The following PLAC1 variants were observed in gnomAD, a reference collection of about 807,000 sequenced individuals.
The protein encoded by PLAC1 is placenta associated 1, also known as placenta-specific protein 1.
For synonymous variants in PLAC1, 68 were observed against 62.1 expected (o/e 1.09, Z -0.44); for missense variants, 136 against 163.2 (o/e 0.83, Z 0.91).
At position 134,658,405 on chromosome X, in the gene PLAC1, A is replaced by G. The variant is rs754058212; in HGVS notation, c.-208T>C. 8.9e-6 allele frequency: 1 copy of G among 112,681 alleles called. No individual in the cohort carries two copies. The highest frequency in any genetic ancestry group is 3.2e-5 in the African/African-American group (1 of 31,066). The allele number at this position is 112,681 out of a possible 1,213,427, so 9.3% of individuals were successfully genotyped here. ...AGGATTGGAAAAATGTATCTCAGTC[A>G]CTGGAACTGAAGAGGGGTGGCCTTT... On this transcript the variant is annotated 5_prime_UTR_variant, in exon 1 of 3. An upstream open reading frame in the 5' UTR loses its in-frame stop. Coordinates refer to ENST00000359237, the MANE Select transcript of PLAC1 (RefSeq NM_021796.4).
At chrX:134,595,792 C>G (rs1310803951) in intron 2 of PLAC1, among the ~76,000 whole-genome samples, 1 of 109,265 alleles carries the variant, frequency 9.2e-6, no homozygotes, top group East Asian at 2.8e-4. Context: ...TACATACTGT[C>G]GGGTCATTTT....
intron 2 of PLAC1, among the ~76,000 whole-genome samples, chrX:134,576,339 C>T (rs1477681218): frequency 9.1e-6 from 1 of 109,357 alleles, no homozygotes; most frequent in African/African-American, 3.3e-5. Flanking sequence ...GAGTTCGAGA[C>T]CAGCCTGGCC....
intron 2 of PLAC1, among the ~76,000 whole-genome samples, chrX:134,567,807 AGAGAGAGG>A (rs1266679174): frequency 1.3e-5 from 1 of 78,798 alleles, no homozygotes; most frequent in Non-Finnish European, 2.3e-5. Context: ...AGAAAGAGAG[AGAGAGAGG>A]GAGGGAGGGA....
chrX:134,723,454 G>A (rs1270683450), intron 2 of PLAC1, among the ~76,000 whole-genome samples: 2 of 109,193 alleles, frequency 1.8e-5, no homozygotes, highest in South Asian at 4.1e-4. Flanking sequence ...CAGTAGGCAC[G>A]CACCACCACA....
chrX:134,745,614 C>T (rs767489091), intron 1 of PLAC1, among the ~76,000 whole-genome samples: 4 of 111,776 alleles, frequency 3.6e-5, no homozygotes, highest in Non-Finnish European at 5.6e-5. Context: ...TAAGGTCTAT[C>T]TCAGTGACCT....
intron 1 of PLAC1, among the ~76,000 whole-genome samples, chrX:134,759,753 A>G (rs1305730132): frequency 8.9e-6 from 1 of 112,270 alleles, no homozygotes; most frequent in African/African-American, 3.2e-5. Context: ...GAATGAAATC[A>G]TGTCATTTTC....
At chrX:134,594,678 T>C (rs1475782431) in intron 2 of PLAC1, among the ~76,000 whole-genome samples, 1 of 111,224 alleles carries the variant, frequency 9.0e-6, no homozygotes, top group African/African-American at 3.3e-5. Context: ...AACCTTTTGA[T>C]GTCTGCAGGG....
intron 2 of PLAC1, among the ~76,000 whole-genome samples, chrX:134,707,904 C>G (rs1216710467): frequency 9.0e-6 from 1 of 111,351 alleles, no homozygotes; most frequent in Non-Finnish European, 1.9e-5. Flanking sequence ...AATGATGACA[C>G]CAGTAGATTG....
chrX:134,756,156 C>T (rs1191145170), intron 1 of PLAC1, among the ~76,000 whole-genome samples: 1 of 110,592 alleles, frequency 9.0e-6, no homozygotes, highest in Non-Finnish European at 1.9e-5. Context: ...CGGCCTTCAT[C>T]ATCTTTCTTT....
chrX:134,653,105 C>T (rs2078372040), intron 1 of PLAC1, among the ~76,000 whole-genome samples: 1 of 112,711 alleles, frequency 8.9e-6, no homozygotes, highest in African/African-American at 3.2e-5. Flanking sequence ...TCATTACAGT[C>T]CAGGTGTGCC....
chrX:134,682,085 A>C (rs1227467277), intron 2 of PLAC1, among the ~76,000 whole-genome samples: 4 of 112,271 alleles, frequency 3.6e-5, no homozygotes, highest in African/African-American at 9.7e-5. Context: ...AGCCGATACC[A>C]CCATAACCAA....
intron 2 of PLAC1, among the ~76,000 whole-genome samples, chrX:134,693,967 G>GA (rs1210408201): frequency 3.6e-5 from 4 of 110,281 alleles, no homozygotes; most frequent in African/African-American, 6.6e-5. Flanking sequence ...GGTTGTAGGG[G>GA]AAAAAAAACA....
upstream of PLAC1, among the ~76,000 whole-genome samples, chrX:134,663,202 G>T (rs1459698567): frequency 8.9e-5 from 10 of 112,216 alleles, no homozygotes; most frequent in Admixed American, 9.4e-4. Context: ...GCATTTTGTT[G>T]TTTTGCTTTT....
chrX:134,637,447 G>A (rs902341696), intron 1 of PLAC1, among the ~76,000 whole-genome samples: 3 of 111,765 alleles, frequency 2.7e-5, no homozygotes, highest in African/African-American at 9.8e-5. Flanking sequence ...TCCAGTTTGT[G>A]GACACACCAC....
intron 1 of PLAC1, among the ~76,000 whole-genome samples, chrX:134,615,159 T>C (rs188601314): frequency 8.9e-6 from 1 of 112,404 alleles, no homozygotes; most frequent in African/African-American, 3.2e-5. Flanking sequence ...TATCCTGTTT[T>C]CCACAATGGC....
At chrX:134,639,528 T>A (rs989235458) in intron 1 of PLAC1, among the ~76,000 whole-genome samples, 14 of 111,913 alleles carry the variant, frequency 1.3e-4, no homozygotes, top group Non-Finnish European at 2.3e-4. Flanking sequence ...ACCCAGTTTG[T>A]CCACAGAATT....
At chrX:134,588,263 T>C (rs920889612) in intron 2 of PLAC1, among the ~76,000 whole-genome samples, 2 of 107,005 alleles carry the variant, frequency 1.9e-5, no homozygotes, top group Non-Finnish European at 3.9e-5. Context: ...ATCTGAATCT[T>C]GCACCCTTTT....
At chrX:134,640,142 A>T (rs922440037) in intron 1 of PLAC1, among the ~76,000 whole-genome samples, 1 of 111,684 alleles carries the variant, frequency 9.0e-6, no homozygotes, top group African/African-American at 3.3e-5. Flanking sequence ...TAACTTTTTG[A>T]GGAACCATCA....
At chrX:134,626,090 G>C (rs1157437066) in intron 1 of PLAC1, among the ~76,000 whole-genome samples, 1 of 111,289 alleles carries the variant, frequency 9.0e-6, no homozygotes, top group Non-Finnish European at 1.9e-5. Context: ...GCGACTTCAA[G>C]AGCCTGAATC....
Sources: allele counts gnomAD v4.1 joint callset (sites outside exome capture counted in the v4.1 genomes callset), GRCh38; gene constraint gnomAD v4.1.1; transcripts MANE v1.5; gene names NCBI Gene and HGNC (gene_info 2026-07-23, HGNC 2026-07-21).